ESYT1: variants seen among roughly 807,000 people sequenced by gnomAD.
ESYT1 encodes the protein extended synaptotagmin-1.
Under a neutral mutation model 154.2 loss-of-function variants are expected in ESYT1, and 116 were observed. The observed-to-expected ratio is 0.75, with a 90% CI of 0.65 to 0.88. ESYT1 has a LOEUF of 0.88. Among genes scored for constraint, ESYT1 ranks in the 40% least tolerant of loss-of-function variants. The pLI, the probability that ESYT1 is intolerant of heterozygous loss-of-function variation, is 0.00. For synonymous variants in ESYT1, 500 were observed against 539.9 expected, an observed-to-expected ratio of 0.93 and a Z score of 1.02; for missense variants, 1,264 against 1,379.3, an observed-to-expected ratio of 0.92 and a Z score of 1.32.
Position 56,132,413 on chromosome 12 carries a change from TCCTC to T in ESYT1, c.985-6_985-3del, listed in dbSNP as rs1870274949. On this transcript the variant is annotated splice_polypyrimidine_tract_variant and splice_region_variant and intron_variant, in intron 8 of 30. Coordinates refer to ENST00000394048, the MANE Select transcript of ESYT1 (RefSeq NM_015292.3). Reference sequence around the variant, plus strand: ...CTTAGTTTCTCACCATCTGATTCCTTCCTCCAGGGCATTATTCGAATTCACCTGC... The same window carrying T: ...CTTAGTTTCTCACCATCTGATTCCTTCAGGGCATTATTCGAATTCACCTGC... 4 of 1,613,918 alleles carry T rather than the reference TCCTC, an allele frequency of 2.5e-6. No individual in the cohort carries two copies. The African/African-American group carries it at 5.3e-5, about 22-fold the overall frequency.
chr12:56,142,182 C>A lies in ESYT1; in HGVS notation c.2593-103C>A. ...CCCTGCCTTTCTCAAAGGGAAATCT[C>A]ACCAAACCACCTATGAGTCCAAGCG... On this transcript the variant is annotated intron_variant, in intron 24 of 30. Transcript: ENST00000394048. This position sits in a 1 kb window ranked among gnomAD's most constrained non-coding sequence, Gnocchi z 4.1. 7.2e-7 allele frequency: 1 copy of A among 1,392,522 alleles called. No homozygotes were observed. The highest frequency in any genetic ancestry group is 9.8e-7 in the Non-Finnish European group (1 of 1,019,268). 86.3% of individuals were successfully genotyped at this position (1,392,522 alleles called of 1,614,324 possible). A position where few individuals can be genotyped will look rare whatever the true frequency, so the allele number is the denominator to read the frequency against.
rs745863122 is a variant in ESYT1, at chr12:56,130,787, C to T, written c.433-4C>T. The T allele has an allele frequency of 6.2e-7, 1 of 1,613,744 alleles. No homozygotes were observed. The highest frequency in any genetic ancestry group is 1.1e-5 in the South Asian group (1 of 91,060). ...CTCCTCTGACCATCTCTCTTTCCTC[C>T]CAGATTGTGGCCCAGGTCTGGCCCT... On this transcript the variant is annotated splice_polypyrimidine_tract_variant and splice_region_variant and intron_variant, in intron 2 of 30. Transcript: ENST00000394048.
At chr12:56,138,703 A>AT in intron 22 of ESYT1, 65 bp from the exon 23 acceptor site, 1 of 1,502,280 alleles carries the variant, frequency 6.7e-7, no homozygotes, top group South Asian at 1.1e-5. Context: ...CTGTGGATAT[A>AT]ATTTGTGAGG....
chr12:56,133,612 G>A lies in ESYT1; in HGVS notation c.1318G>A (p.Gly440Ser). 3 of 1,614,214 alleles carry A rather than the reference G, an allele frequency of 1.9e-6. No homozygotes were observed. The highest frequency in any genetic ancestry group is 2.5e-6 in the Non-Finnish European group (3 of 1,180,052). Residue 440 changes from glycine to serine, a missense_variant, in exon 12 of 31, where the codon GGC becomes AGC. Gly to Ser is a moderately conservative substitution (Grantham distance 56). Coordinates refer to ENST00000394048, the MANE Select transcript of ESYT1 (RefSeq NM_015292.3). ...GTGGTTCCCTCTACAAGGTGGGCAA[G>A]GCCAAGTTCACTTGAGGCTAGAATG... ...DDWFPLQGGQGQVHLRLEWLS... is the reference protein window; with the variant it reads ...DDWFPLQGGQSQVHLRLEWLS...
intron 24 of ESYT1, among the ~76,000 whole-genome samples, chr12:56,140,256 G>T (rs890634018): frequency 6.6e-6 from 1 of 152,166 alleles, no homozygotes; most frequent in Admixed American, 6.5e-5. Context: ...GAGAGAGAAG[G>T]CATATTTATT....
chr12:56,142,363 T>C lies in ESYT1; in HGVS notation c.2671T>C (p.Leu891=). The change falls in exon 25 of 31, where the codon TTG becomes CTG. Residue 891 remains leucine (L), a synonymous_variant. Coordinates refer to ENST00000394048, the MANE Select transcript of ESYT1 (RefSeq NM_015292.3). This position sits in a 1 kb window ranked among gnomAD's most constrained non-coding sequence, Gnocchi z 4.1. The stretch of plus-strand genomic sequence containing the variant: ...GCTCCTCGTGGCTGACCAGCTCTGC[T>C]TGGACCGCTGGTTTACACTCAGCAG... The part of the protein sequence containing the change: ...SELLVADQLC[L]DRWFTLSSGQ... The C allele has an allele frequency of 6.2e-7, 1 of 1,614,122 alleles. No individual in the cohort carries two copies. The highest frequency in any genetic ancestry group is 8.5e-7 in the Non-Finnish European group (1 of 1,180,024).
In ESYT1 at chr12:56,142,958, C is replaced by G. The variant is rs765430422; in HGVS notation, c.2987+25C>G. On this transcript the variant is annotated intron_variant, in intron 27 of 30. Coordinates refer to ENST00000394048, the MANE Select transcript of ESYT1 (RefSeq NM_015292.3). This position sits in a 1 kb window ranked among gnomAD's most constrained non-coding sequence, Gnocchi z 4.1. ...GGTGAGACCCCATCCCTCCTGTCCT[C>G]CAGATCGCCTCCATCCCTTCCCTCA... The G allele has an allele frequency of 1.1e-4, 184 of 1,614,012 alleles. No individual in the cohort carries two copies. Among genetic ancestry groups the G allele is most frequent in the Admixed American group, 1.5e-4 (9 of 60,000 alleles).
In ESYT1 at chr12:56,139,110, C is replaced by G. The variant is rs1238024452; in HGVS notation, c.2592+97C>G. The G allele has an allele frequency of 5.5e-6, 3 of 547,558 alleles. No homozygotes were observed. The African/African-American group carries it at 6.2e-5, about 11-fold the overall frequency. The allele number at this position is 547,558 out of a possible 1,614,324, so 33.9% of individuals were successfully genotyped here. ...ATTCAGAGATGAGATAAAAGGTTGA[C>G]TTTTTTTTTTTTTTTTGAGACAGAG... is the stretch of plus-strand genomic sequence containing the variant. On this transcript the variant is annotated intron_variant, in intron 24 of 30. Coordinates refer to ENST00000394048, the MANE Select transcript of ESYT1 (RefSeq NM_015292.3).
chr12:56,137,623 G>A lies in ESYT1; in HGVS notation c.2063G>A (p.Arg688Gln), dbSNP rs200401402. 1.1e-5 allele frequency: 18 copies of A among 1,613,986 alleles called. No individual in the cohort carries two copies. In the African/African-American group the frequency reaches 1.2e-4, roughly 11 times the overall value. ...VKLKLAGRSF[R>Q]SHVVREDLNP... ...CTAAAGTTGGCAGGACGAAGCTTCC[G>A]GAGCCATGTTGTTCGGGAAGATCTC... The change falls in exon 18 of 31, where the codon CGG becomes CAG. Residue 688 changes from arginine to glutamine, a missense_variant. Transcript: ENST00000394048.
chr12:56,138,742 A>G lies in ESYT1; in HGVS notation c.2434-26A>G, dbSNP rs781417590. 14 of 1,610,552 alleles carry G rather than the reference A, an allele frequency of 8.7e-6. No homozygotes were observed. The South Asian group carries it at 1.5e-4, about 18-fold the overall frequency. On this transcript the variant is annotated intron_variant, in intron 22 of 30. Transcript: ENST00000394048. Reference sequence around the variant, plus strand: ...ATCTGCCTAACTAGGTCCAAATTTAAGACTAACACAGTATTGTCTTTCTAG... The same window carrying G: ...ATCTGCCTAACTAGGTCCAAATTTAGGACTAACACAGTATTGTCTTTCTAG...
Position 56,142,021 on chromosome 12 carries a change from C to T in ESYT1, c.2593-264C>T, listed in dbSNP as rs1458149027. Among the ~76,000 whole-genome samples, 1 of 151,646 alleles carries T rather than the reference C, an allele frequency of 6.6e-6. No individual in the cohort carries two copies. The highest frequency in any genetic ancestry group is 6.6e-5 in the Admixed American group (1 of 15,208). On this transcript the variant is annotated intron_variant, in intron 24 of 30. Coordinates refer to ENST00000394048, the MANE Select transcript of ESYT1 (RefSeq NM_015292.3). This position sits in a 1 kb window ranked among gnomAD's most constrained non-coding sequence, Gnocchi z 4.1. Reference sequence around the variant, plus strand: ...GTTGAGGCAGGAGAATCGCTTGAACCTGGGAGGCGGAGGTTGCGGTGAGAC... The same window carrying T: ...GTTGAGGCAGGAGAATCGCTTGAACTTGGGAGGCGGAGGTTGCGGTGAGAC...
At position 56,142,821 on chromosome 12, in the gene ESYT1, A is replaced by G; in HGVS notation, c.2889-14A>G. ...GCTCTAGCTTTCCCCAGACCTACTG[A>G]TATTTCTCCACAGTCCCCTTGAGGC... On this transcript the variant is annotated splice_polypyrimidine_tract_variant and intron_variant, in intron 26 of 30. Transcript: ENST00000394048. This position sits in a 1 kb window ranked among gnomAD's most constrained non-coding sequence, Gnocchi z 4.1. The G allele has an allele frequency of 1.2e-6, 2 of 1,614,052 alleles. No individual in the cohort carries two copies. The highest frequency in any genetic ancestry group is 1.3e-5 in the African/African-American group (1 of 75,038).
intron 24 of ESYT1, among the ~76,000 whole-genome samples, chr12:56,140,158 C>T (rs1218365110): frequency 6.6e-6 from 1 of 151,658 alleles, no homozygotes; most frequent in East Asian, 2.0e-4. Context: ...GTGAGAACCG[C>T]GCCCCAGCCT....
intron 15 of ESYT1, among the ~76,000 whole-genome samples, chr12:56,136,205 A>G (rs971048475): frequency 2.0e-5 from 3 of 152,170 alleles, no homozygotes; most frequent in Non-Finnish European, 4.4e-5. Context: ...GTGAAGCAAA[A>G]AATTGGATTT....
At position 56,133,588 on chromosome 12, in the gene ESYT1, T is replaced by C. The variant is rs773492977; in HGVS notation, c.1294T>C (p.Trp432Arg). The change falls in exon 12 of 31, where the codon TGG becomes CGG. Residue 432 changes from tryptophan to arginine, a missense_variant and splice_region_variant. Transcript: ENST00000394048. Reference sequence around the variant, plus strand: ...TCTACTACATCTCAATTTCTTCTAGTGGTTCCCTCTACAAGGTGGGCAAGG... The same window carrying C: ...TCTACTACATCTCAATTTCTTCTAGCGGTTCCCTCTACAAGGTGGGCAAGG... ...KVLQASVLDD[W>R]FPLQGGQGQV... 2 of 1,614,170 alleles carry C rather than the reference T, an allele frequency of 1.2e-6. No individual in the cohort carries two copies. Among genetic ancestry groups the C allele is most frequent in the African/African-American group, 2.7e-5 (2 of 75,058 alleles).
chr12:56,140,298 T>C (rs529437619), intron 24 of ESYT1, among the ~76,000 whole-genome samples: 9 of 152,300 alleles, frequency 5.9e-5, no homozygotes, highest in Non-Finnish European at 1.3e-4. Context: ...AGCAAGATCA[T>C]AGGAGCTGTT....
Position 56,143,823 on chromosome 12 carries a change from G to A in ESYT1, c.3276G>A (p.Trp1092Ter), listed in dbSNP as rs191962747. The change falls in exon 31 of 31, where the codon TGG becomes TGA. Residue 1092 changes from tryptophan (W) to a stop codon, truncating the protein, a stop_gained and splice_region_variant. Coordinates refer to ENST00000394048, the MANE Select transcript of ESYT1 (RefSeq NM_015292.3). LOFTEE classifies it high-confidence loss of function. ...ETDLSQGVAR[W>*]YDLMDNKDKG... ...TTCTACATGAGCCCTCTTTTCACAGGTATGACCTGATGGACAACAAGGACA... is the reference window on the plus strand; with the variant it reads ...TTCTACATGAGCCCTCTTTTCACAGATATGACCTGATGGACAACAAGGACA... 6.2e-7 allele frequency: 1 copy of A among 1,614,030 alleles called. No homozygotes were observed. The highest frequency in any genetic ancestry group is 1.7e-5 in the Admixed American group (1 of 60,018).
intron 14 of ESYT1, 27 bp from the exon 15 acceptor site, chr12:56,134,315 C>T: frequency 6.2e-7 from 1 of 1,609,576 alleles, no homozygotes; most frequent in Non-Finnish European, 8.5e-7. Context: ...GTGGTATACA[C>T]CCTTAATCCC....
chr12:56,144,236 T>C lies in ESYT1; in HGVS notation c.*374T>C. ...AGCTTTGGAAGGATCTTTTTTTCTT[T>C]AACTAGATGGTCACCTTCTTCCCTA... On this transcript the variant is annotated 3_prime_UTR_variant, in exon 31 of 31. Transcript: ENST00000394048. 1 of 1,107,328 alleles carries C rather than the reference T, an allele frequency of 9.0e-7. No homozygotes were observed. The highest frequency in any genetic ancestry group is 6.2e-5 in the East Asian group (1 of 16,012). The allele number at this position is 1,107,328 out of a possible 1,614,324, so 68.6% of individuals were successfully genotyped here.
Sources: gnomAD v4.1 joint callset for allele counts (sites outside exome capture counted in the v4.1 genomes callset) on GRCh38, gnomAD v4.1.1 for gene constraint, Gnocchi (gnomAD v3.1) non-coding constraint, MANE v1.5 for transcripts, NCBI Gene and HGNC (gene_info 2026-07-23, HGNC 2026-07-21) for gene names.